GLIS1: variants seen among roughly 807,000 people sequenced by gnomAD.
The protein encoded by GLIS1 is zinc finger protein GLIS1.
Under a neutral mutation model 63.8 loss-of-function variants are expected in GLIS1, and 24 were observed. That is an observed-to-expected ratio of 0.38 (90% CI 0.27 to 0.53). The LOEUF (loss-of-function observed/expected upper bound fraction) is 0.53, where lower values mean the gene tolerates loss of function less well. GLIS1 is among the 20% of genes least tolerant of loss of function. The probability of loss-of-function intolerance (pLI) is 0.85; values close to 1 mark genes in which losing one functional copy is unlikely to be tolerated. For synonymous variants in GLIS1, 450 were observed against 482.5 expected, an observed-to-expected ratio of 0.93 and a Z score of 0.88; for missense variants, 1,036 against 1,074.1, an observed-to-expected ratio of 0.96 and a Z score of 0.50.
At chr1:53,697,881 C>T (rs1203667973) in intron 2 of GLIS1, among the ~76,000 whole-genome samples, 1 of 152,162 alleles carries the variant, frequency 6.6e-6, no homozygotes, top group African/African-American at 2.4e-5. Context: ...TGGAACTGGG[C>T]TCAGAGCCAG....
chr1:53,517,791 G>C (rs1043196120), intron 7 of GLIS1, among the ~76,000 whole-genome samples: 3 of 152,144 alleles, frequency 2.0e-5, no homozygotes, highest in African/African-American at 7.2e-5. Flanking sequence ...CCCTGACTCA[G>C]TCCCCTGCCC....
chr1:53,688,039 C>T (rs1646359571), intron 2 of GLIS1, among the ~76,000 whole-genome samples: 1 of 149,736 alleles, frequency 6.7e-6, no homozygotes, highest in Non-Finnish European at 1.5e-5. Context: ...GCTGTGCTGT[C>T]GAGGCTGAGG....
At position 53,506,669 on chromosome 1, in the gene GLIS1, C is replaced by G; in HGVS notation, c.2338G>C (p.Ala780Pro). The G allele has an allele frequency of 6.2e-7, 1 of 1,613,560 alleles. No individual in the cohort carries two copies. Among genetic ancestry groups the G allele is most frequent in the Non-Finnish European group, 8.5e-7 (1 of 1,179,984 alleles). ...PEDCGFFPNG[A>P]FDHCLGHIPS... is the part of the protein sequence containing the mutation. ...ATGTGGCCCAGGCAGTGGTCAAAGG[C>G]TCCATTGGGGAAGAAGCCACAGTCC... The change falls in exon 11 of 11, where the codon GCC (alanine) becomes CCC (proline). Residue 780 changes from alanine to proline, a missense_variant. Around this residue, in one of 3 missense-constraint regions of GLIS1, gnomAD observed 400 missense variants for 400.9 expected, o/e 1.00. Transcript: ENST00000628545.
In GLIS1 at chr1:53,737,996, G is replaced by T; in HGVS notation, c.69C>A (p.Pro23=). 8.1e-7 allele frequency: 1 copy of T among 1,230,532 alleles called. No homozygotes were observed. Among genetic ancestry groups the T allele is most frequent in the Non-Finnish European group, 1.0e-6 (1 of 987,170 alleles). 76.2% of individuals were successfully genotyped at this position (1,230,532 alleles called of 1,614,324 possible). Residue 23 remains proline (P), a synonymous_variant, in exon 2 of 11, where the codon CCC becomes CCA. Transcript: ENST00000628545. ...RPKEAPGAPG[P]DRGPASLGAH... is the part of the protein sequence containing the mutation. ...CGCCGAGGCTGGCGGGGCCGCGGTC[G>T]GGGCCGGGCGCACCAGGGGCCTCCT...
At chr1:53,731,139 T>C (rs1330254660) in intron 2 of GLIS1, among the ~76,000 whole-genome samples, 1 of 152,244 alleles carries the variant, frequency 6.6e-6, no homozygotes, top group Non-Finnish European at 1.5e-5. Context: ...CAGGGACTAC[T>C]ACCTGCAATA....
chr1:53,597,192 A>C (rs1477336159), intron 3 of GLIS1, among the ~76,000 whole-genome samples: 1 of 145,586 alleles, frequency 6.9e-6, no homozygotes, highest in African/African-American at 2.5e-5. Flanking sequence ...AAAAAAAAAA[A>C]AAAAAAAAAA....
intron 2 of GLIS1, among the ~76,000 whole-genome samples, chr1:53,647,242 A>G (rs995312114): frequency 2.6e-5 from 4 of 152,252 alleles, no homozygotes; most frequent in Non-Finnish European, 4.4e-5. Context: ...TAAAATTTAT[A>G]TTAAAATTCA....
intron 2 of GLIS1, among the ~76,000 whole-genome samples, chr1:53,686,741 G>A (rs569872740): frequency 2.0e-5 from 3 of 152,224 alleles, no homozygotes; most frequent in Admixed American, 1.3e-4. Context: ...CAAGAAAAGA[G>A]TGACCATGCA....
chr1:53,547,114 G>C (rs1405921310), intron 4 of GLIS1, among the ~76,000 whole-genome samples: 3 of 152,248 alleles, frequency 2.0e-5, no homozygotes, highest in Admixed American at 2.0e-4. Context: ...GCTGGGGAAG[G>C]AGAAAGGCTC....
chr1:53,617,400 C>T (rs1645493060), intron 2 of GLIS1, among the ~76,000 whole-genome samples: 1 of 152,216 alleles, frequency 6.6e-6, no homozygotes. Flanking sequence ...AGTACTTTCT[C>T]ATGGTTTTAA....
intron 4 of GLIS1, among the ~76,000 whole-genome samples, chr1:53,553,137 C>T (rs1440434904): frequency 6.6e-6 from 1 of 152,190 alleles, no homozygotes; most frequent in Non-Finnish European, 1.5e-5. Context: ...TGTAGATGAA[C>T]CCCATCCCCA....
At chr1:53,512,822 G>A (rs529360148) in intron 8 of GLIS1, among the ~76,000 whole-genome samples, 1 of 151,890 alleles carries the variant, frequency 6.6e-6, no homozygotes, top group African/African-American at 2.4e-5. Context: ...AACGGCCTTC[G>A]TGGTTTATTT....
chr1:53,508,569 G>C (rs1247444336), intron 10 of GLIS1, among the ~76,000 whole-genome samples: 2 of 152,154 alleles, frequency 1.3e-5, no homozygotes, highest in Non-Finnish European at 2.9e-5. Flanking sequence ...ATCGGAGCCT[G>C]GTTCCACCTG....
At chr1:53,613,009 G>C (rs1645442032) in intron 2 of GLIS1, among the ~76,000 whole-genome samples, 1 of 151,942 alleles carries the variant, frequency 6.6e-6, no homozygotes, top group Non-Finnish European at 1.5e-5. Context: ...AGTAGACATG[G>C]GGTTTCACCA....
At chr1:53,584,277 C>T (rs1202907634) in intron 4 of GLIS1, among the ~76,000 whole-genome samples, 2 of 152,186 alleles carry the variant, frequency 1.3e-5, no homozygotes, top group Non-Finnish European at 2.9e-5. Flanking sequence ...GGCTCAATTC[C>T]GATGTTTCTG....
intron 2 of GLIS1, among the ~76,000 whole-genome samples, chr1:53,664,181 C>T (rs998241497): frequency 1.1e-4 from 16 of 152,184 alleles, no homozygotes; most frequent in Non-Finnish European, 2.1e-4. Context: ...GCCCCCACCC[C>T]AAACCCCACA....
intron 2 of GLIS1, among the ~76,000 whole-genome samples, chr1:53,612,152 G>A (rs1397131490): frequency 6.6e-6 from 1 of 152,166 alleles, no homozygotes; most frequent in Non-Finnish European, 1.5e-5. Context: ...CTTCATAACT[G>A]CCACATCTGT....
intron 2 of GLIS1, among the ~76,000 whole-genome samples, chr1:53,618,560 G>A (rs1047168438): frequency 1.1e-4 from 16 of 152,228 alleles, no homozygotes; most frequent in African/African-American, 3.6e-4. Flanking sequence ...GGGGCAGGGA[G>A]GCTGCAGACT....
intron 2 of GLIS1, among the ~76,000 whole-genome samples, chr1:53,650,971 C>T (rs907152408): frequency 6.6e-6 from 1 of 152,230 alleles, no homozygotes; most frequent in Non-Finnish European, 1.5e-5. Context: ...TAACAATTTC[C>T]TTCTAGCCCT....
Sources: gnomAD v4.1 joint callset for allele counts (sites outside exome capture counted in the v4.1 genomes callset) on GRCh38, gnomAD v4.1.1 for gene constraint, gnomAD v4.1.1 regional missense constraint, MANE v1.5 for transcripts, NCBI Gene and HGNC (gene_info 2026-07-23, HGNC 2026-07-21) for gene names.